The following ROCK2 variants were observed in gnomAD, a reference collection of about 807,000 sequenced individuals.
ROCK2 encodes Rho associated coiled-coil containing protein kinase 2.
In ROCK2, 61 loss-of-function variants were observed where a neutral mutation model predicts 195.1. That is an observed-to-expected ratio of 0.31 (90% CI 0.25 to 0.39). ROCK2 has a LOEUF of 0.39. ROCK2 is among the 10% of genes least tolerant of loss of function. ROCK2 has a pLI of 1.00. For missense variants in ROCK2, 1,109 were observed against 1,637.4 expected (o/e 0.68, Z 5.57); for synonymous variants, 504 against 545.5 (o/e 0.92, Z 1.06).
Position 11,249,689 on chromosome 2 carries a change from G to T in ROCK2, c.434C>A (p.Ala145Asp). The T allele has an allele frequency of 6.4e-7, 1 of 1,573,300 alleles. No individual in the cohort carries two copies. Among genetic ancestry groups the T allele is most frequent in the South Asian group, 1.3e-5 (1 of 79,930 alleles). ...AFFWEERDIM[A>D]FANSPWVVQL... ...AACCACCCAGGGGCTATTGGCAAAGGCCATAATATCTCTTTCTTCCCAAAA... is the reference window on the plus strand; with the variant it reads ...AACCACCCAGGGGCTATTGGCAAAGTCCATAATATCTCTTTCTTCCCAAAA... Residue 145 changes from alanine (A) to aspartate (D), a missense_variant, in exon 4 of 33, where the codon GCC becomes GAC. Physicochemically the swap from Ala to Asp is moderately radical, Grantham distance 126. Transcript: ENST00000315872.
At chr2:11,208,868 C>T (rs929327320) in intron 18 of ROCK2, among the ~76,000 whole-genome samples, 13 of 152,202 alleles carry the variant, frequency 8.5e-5, no homozygotes, top group Admixed American at 8.5e-4. Flanking sequence ...GCTGGAATTA[C>T]AGGCATGAGC....
intron 1 of ROCK2, among the ~76,000 whole-genome samples, chr2:11,320,886 C>T (rs1180859848): frequency 6.6e-6 from 1 of 152,166 alleles, no homozygotes; most frequent in Admixed American, 6.5e-5. Context: ...ATGCAGTTAA[C>T]AGAACAGAGT....
chr2:11,217,106 G>T lies in ROCK2; in HGVS notation c.1396C>A (p.Leu466Met). 1 of 1,540,022 alleles carries T rather than the reference G, an allele frequency of 6.5e-7. No homozygotes were observed. The highest frequency in any genetic ancestry group is 9.0e-7 in the Non-Finnish European group (1 of 1,113,092). Residue 466 changes from leucine (L) to methionine (M), a missense_variant, in exon 12 of 33, where the codon CTG (leucine) becomes ATG (methionine). This residue lies in a region of ROCK2 where 542 missense variants were observed against 672.0 expected (regional missense o/e 0.81). Transcript: ENST00000315872. ...AAAACATACTTGCACTTCTGTTCCA[G>T]TTCCTCTTTGGCTTGCATCTCATTG... The part of the protein sequence containing the change: ...LSNEMQAKEE[L>M]EQKCKSVNTR...
rs191620187 is a variant in ROCK2, at chr2:11,214,544, C to T, written c.1937-81G>A. ...TTAGGAATAAAAAGTTTGCAAGCCA[C>T]CTTCTATTTTGGAGCTGTTGTTTGT... is the stretch of plus-strand genomic sequence containing the variant. On this transcript the variant is annotated intron_variant, in intron 16 of 32. Coordinates refer to ENST00000315872, the MANE Select transcript of ROCK2 (RefSeq NM_004850.5). 2.4e-4 allele frequency: 194 copies of T among 823,568 alleles called. No homozygotes were observed. The African/African-American group carries it at 2.9e-3, about 12-fold the overall frequency. The allele number at this position is 823,568 out of a possible 1,614,324, so 51.0% of individuals were successfully genotyped here.
intron 1 of ROCK2, among the ~76,000 whole-genome samples, chr2:11,341,518 T>A (rs1669104926): frequency 6.6e-6 from 1 of 152,232 alleles, no homozygotes; most frequent in South Asian, 2.1e-4. Flanking sequence ...TACAGAGTTT[T>A]ACCTTCTAGG....
At chr2:11,245,027 C>A (rs1285404996) in intron 4 of ROCK2, among the ~76,000 whole-genome samples, 2 of 151,782 alleles carry the variant, frequency 1.3e-5, no homozygotes, top group African/African-American at 4.8e-5. Flanking sequence ...ATTAGTAAAT[C>A]AAATTCAGTA....
At chr2:11,313,299 T>C (rs1470666848) in intron 1 of ROCK2, among the ~76,000 whole-genome samples, 3 of 152,068 alleles carry the variant, frequency 2.0e-5, no homozygotes, top group Non-Finnish European at 2.9e-5. Context: ...TATTAACTAT[T>C]AACTAAAGAC....
At chr2:11,317,612 A>ATATATATTTTTTTTTTT (rs59701503) in intron 1 of ROCK2, among the ~76,000 whole-genome samples, 1 of 19,310 alleles carries the variant, frequency 5.2e-5, no homozygotes, top group Non-Finnish European at 1.0e-4. Context: ...ATATATATAT[A>ATATATATTTTTTTTTTT]TTTTTTTTTT....
chr2:11,184,890 TAAC>T (rs1489555355), intron 32 of ROCK2: 2 of 394,856 alleles, frequency 5.1e-6, no homozygotes, highest in Admixed American at 6.4e-5. Flanking sequence ...CCTTCATGGA[TAAC>T]AACAAGATTA....
In ROCK2 at chr2:11,330,734, T is replaced by TGAGGAGGGAGGAG. The variant is rs1558399540; in HGVS notation, c.141+13249_141+13261dup. ...GAGGAAGACAAGGGAGGAGGGAAGATGAGGAGGGAGGAGGGAGGAGGAGGA... is the reference window on the plus strand; with the variant it reads ...GAGGAAGACAAGGGAGGAGGGAAGATGAGGAGGGAGGAGGAGGAGGGAGGAGGGAGGAGGAGGA... On this transcript the variant is annotated intron_variant, in intron 1 of 32. Transcript: ENST00000315872. 7.6e-4 allele frequency among the ~76,000 whole-genome samples: 14 copies of TGAGGAGGGAGGAG among 18,360 alleles called. 1 individual carries two copies. Among genetic ancestry groups the TGAGGAGGGAGGAG allele is most frequent in the Non-Finnish European group, 2.1e-3 (14 of 6,584 alleles). The allele number at this position is 18,360 out of a possible 152,430, so 12.0% of individuals were successfully genotyped here. A position where few individuals can be genotyped will look rare whatever the true frequency, so the allele number is the denominator to read the frequency against.
intron 5 of ROCK2, among the ~76,000 whole-genome samples, chr2:11,233,554 T>C (rs1665097660): frequency 6.6e-6 from 1 of 152,172 alleles, no homozygotes; most frequent in African/African-American, 2.4e-5. Flanking sequence ...ATGTTCAAGA[T>C]AGTATTGTTG....
intron 20 of ROCK2, among the ~76,000 whole-genome samples, chr2:11,202,350 CATTCTGA>C (rs1312705093): frequency 5.9e-5 from 9 of 152,158 alleles, no homozygotes; most frequent in African/African-American, 1.9e-4. Flanking sequence ...GTAATTACAT[CATTCTGA>C]TGGCTAAAAT....
chr2:11,340,012 G>A (rs1351652603), intron 1 of ROCK2, among the ~76,000 whole-genome samples: 1 of 152,068 alleles, frequency 6.6e-6, no homozygotes, highest in Non-Finnish European at 1.5e-5. Context: ...CAAGACTTGG[G>A]AAATAAAAAA....
rs1302032279 is a variant in ROCK2 at position 11,182,159 on chromosome 2, A to G, written c.*1278T>C. On this transcript the variant is annotated 3_prime_UTR_variant, in exon 33 of 33. Transcript: ENST00000315872. ...GACAGCATTTAAAAAATAAAAATCA[A>G]ATTAAGTGCCTTTGAGGCCACTTCT... 6.6e-6 allele frequency: 1 copy of G among 152,154 alleles called. No individual in the cohort carries two copies. The highest frequency in any genetic ancestry group is 1.5e-5 in the Non-Finnish European group (1 of 68,024). 9.4% of individuals were successfully genotyped at this position (152,154 alleles called of 1,614,324 possible). A position where few individuals can be genotyped will look rare whatever the true frequency, so the allele number is the denominator to read the frequency against.
intron 15 of ROCK2, 105 bp downstream of exon 15, chr2:11,215,216 T>C (rs1664384790): frequency 2.8e-6 from 4 of 1,453,318 alleles, no homozygotes; most frequent in Admixed American, 5.0e-5. Context: ...CCAAATGATT[T>C]CTAAAATTAG....
At chr2:11,281,875 G>A (rs1558356068) in intron 3 of ROCK2, among the ~76,000 whole-genome samples, 2 of 152,090 alleles carry the variant, frequency 1.3e-5, no homozygotes, top group East Asian at 1.9e-4. Context: ...TGGAGAGACA[G>A]TCCATGTTCT....
intron 3 of ROCK2, among the ~76,000 whole-genome samples, chr2:11,285,539 C>T (rs1273543639): frequency 6.6e-6 from 1 of 152,020 alleles, no homozygotes; most frequent in Non-Finnish European, 1.5e-5. Flanking sequence ...ATAAACCTAT[C>T]AAGAAAGGCA....
intron 4 of ROCK2, among the ~76,000 whole-genome samples, chr2:11,249,256 G>A (rs943806184): frequency 3.9e-5 from 6 of 152,034 alleles, no homozygotes; most frequent in African/African-American, 9.7e-5. Context: ...TGTGCACAAC[G>A]TGCAGGTCTG....
intron 32 of ROCK2, among the ~76,000 whole-genome samples, chr2:11,189,062 A>G (rs1051227684): frequency 6.6e-6 from 1 of 152,082 alleles, no homozygotes; most frequent in Non-Finnish European, 1.5e-5. Context: ...AAAGAAGAGA[A>G]AAAGATGTAA....
Sources: allele counts gnomAD v4.1 joint callset (sites outside exome capture counted in the v4.1 genomes callset), GRCh38; gene constraint gnomAD v4.1.1; regional missense constraint gnomAD v4.1.1; transcripts MANE v1.5; gene names NCBI Gene and HGNC (gene_info 2026-07-23, HGNC 2026-07-21).